The following PIK3R5 variants were observed in gnomAD, a reference collection of about 807,000 sequenced individuals.
The protein encoded by PIK3R5 is phosphoinositide-3-kinase regulatory subunit 5.
PIK3R5 carries 32 observed loss-of-function variants against 94.9 expected under a neutral mutation model. The observed-to-expected ratio is 0.34, with a 90% CI of 0.25 to 0.45. The LOEUF (loss-of-function observed/expected upper bound fraction) is 0.45, where lower values mean the gene tolerates loss of function less well. Ranked by LOEUF, PIK3R5 falls within the 20% of genes least tolerant of loss-of-function variation. PIK3R5 has a pLI of 1.00. For synonymous variants in PIK3R5, 443 were observed against 479.4 expected, an observed-to-expected ratio of 0.92 and a Z score of 0.99; for missense variants, 853 against 1,144.6, an observed-to-expected ratio of 0.75 and a Z score of 3.68.
In PIK3R5 at chr17:8,881,557, G is replaced by A. The variant is rs981972571; in HGVS notation, c.2382+73C>T. On this transcript the variant is annotated intron_variant, in intron 17 of 18. Coordinates refer to ENST00000447110, the MANE Select transcript of PIK3R5 (RefSeq NM_001142633.3). This position sits in a 1 kb window ranked among gnomAD's most constrained non-coding sequence, Gnocchi z 4.8. The stretch of plus-strand genomic sequence containing the variant: ...CACACACATACATGTGCACACACAC[G>A]TACACACATACGCACATGCACGCTC... 7.3e-5 allele frequency: 84 copies of A among 1,157,468 alleles called. No homozygotes were observed. Among genetic ancestry groups the A allele is most frequent in the Non-Finnish European group, 9.2e-5 (72 of 783,636 alleles). 71.7% of individuals were successfully genotyped at this position (1,157,468 alleles called of 1,614,324 possible). A position where few individuals can be genotyped will look rare whatever the true frequency, so the allele number is the denominator to read the frequency against.
At chr17:8,941,192 G>A (rs1304560340) in intron 1 of PIK3R5, among the ~76,000 whole-genome samples, 1 of 152,176 alleles carries the variant, frequency 6.6e-6, no homozygotes, top group Non-Finnish European at 1.5e-5. Flanking sequence ...GGTGTAGCGG[G>A]ATAGATATGG....
At chr17:8,944,854 G>A (rs2091247117) in intron 1 of PIK3R5, among the ~76,000 whole-genome samples, 1 of 152,136 alleles carries the variant, frequency 6.6e-6, no homozygotes, top group Admixed American at 6.5e-5. Context: ...TATATCCAGG[G>A]ACCTACACCT....
In PIK3R5 at chr17:8,886,563, T is replaced by C. The variant is rs1461065471; in HGVS notation, c.1948A>G (p.Thr650Ala). 12 of 1,611,456 alleles carry C rather than the reference T, an allele frequency of 7.4e-6. No homozygotes were observed. In the South Asian group the frequency reaches 8.8e-5, roughly 12 times the overall value. ...AEAQALEGSP[T>A]QLPILADMLL... ...ATGTCAGCCAGGATGGGCAGCTGGGTTGGGGAGCCCTCCAGGGCCTGGGCT... is the reference window on the plus strand; with the variant it reads ...ATGTCAGCCAGGATGGGCAGCTGGGCTGGGGAGCCCTCCAGGGCCTGGGCT... Residue 650 changes from threonine (T) to alanine (A), a missense_variant, in exon 13 of 19, where the codon ACC becomes GCC. By Grantham distance (58) the Thr-to-Ala change is moderately conservative. This residue lies in a region of PIK3R5 where 173 missense variants were observed against 274.1 expected (regional missense o/e 0.63). Coordinates refer to ENST00000447110, the MANE Select transcript of PIK3R5 (RefSeq NM_001142633.3).
intron 1 of PIK3R5, among the ~76,000 whole-genome samples, chr17:8,933,217 G>C (rs1441413538): frequency 6.6e-6 from 1 of 152,132 alleles, no homozygotes; most frequent in Non-Finnish European, 1.5e-5. Context: ...ATATTGTTAG[G>C]TCTGTGGATG....
chr17:8,902,938 T>C lies in PIK3R5; in HGVS notation c.412+1839A>G, dbSNP rs112048292. Among the ~76,000 whole-genome samples, 419 of 151,166 alleles carry C rather than the reference T, an allele frequency of 2.8e-3. 4 individuals are homozygous for C. Among genetic ancestry groups the C allele is most frequent in the African/African-American group, 9.7e-3 (399 of 41,042 alleles). On this transcript the variant is annotated intron_variant, in intron 5 of 18. Coordinates refer to ENST00000447110, the MANE Select transcript of PIK3R5 (RefSeq NM_001142633.3). ...CGGAGGCACTTGAACCTCCACCTCC[T>C]GGGTTCAAGTGATTCTCCTGCCTCA...
chr17:8,943,041 C>T (rs972837602), intron 1 of PIK3R5, among the ~76,000 whole-genome samples: 1 of 151,642 alleles, frequency 6.6e-6, no homozygotes, highest in Non-Finnish European at 1.5e-5. Flanking sequence ...CATAGCACAT[C>T]ACTCCTAAAC....
intron 3 of PIK3R5, among the ~76,000 whole-genome samples, chr17:8,908,502 C>T (rs2090442412): frequency 2.7e-5 from 4 of 148,368 alleles, no homozygotes; most frequent in Non-Finnish European, 5.9e-5. Context: ...GACATGTTTT[C>T]CAAATCACAT....
At chr17:8,964,071 G>A (rs1037376198) in intron 1 of PIK3R5, among the ~76,000 whole-genome samples, 2 of 152,118 alleles carry the variant, frequency 1.3e-5, no homozygotes, top group African/African-American at 2.4e-5. Context: ...ACGTGCAGCC[G>A]TTCTCATCAT....
intron 1 of PIK3R5, among the ~76,000 whole-genome samples, chr17:8,928,782 A>G (rs2090935691): frequency 6.6e-6 from 1 of 152,224 alleles, no homozygotes. Context: ...AGAAAAAAGG[A>G]TAATAAAAGA....
intron 5 of PIK3R5, among the ~76,000 whole-genome samples, chr17:8,902,932 A>G (rs1461312575): frequency 2.1e-5 from 3 of 141,894 alleles, no homozygotes; most frequent in Admixed American, 7.0e-5. Flanking sequence ...TTGAACCTCC[A>G]CCTCCTGGGT....
Position 8,955,160 on chromosome 17 carries a change from CCA to C in PIK3R5, c.-14+10434_-14+10435del, listed in dbSNP as rs1261976170. Among the ~76,000 whole-genome samples, 2 of 152,080 alleles carry C rather than the reference CCA, an allele frequency of 1.3e-5. No homozygotes were observed. Among genetic ancestry groups the C allele is most frequent in the Non-Finnish European group, 2.9e-5 (2 of 68,016 alleles). On this transcript the variant is annotated intron_variant, in intron 1 of 18. Transcript: ENST00000447110. This position sits in a 1 kb window ranked among gnomAD's most constrained non-coding sequence, Gnocchi z 4.4. ...TCCTTGAGGGGAGGATGACCGAACC[CCA>C]CAGAGGTCTCAGATGGGGAGCAGCC...
At position 8,935,829 on chromosome 17, in the gene PIK3R5, C is replaced by T. The variant is rs569024318; in HGVS notation, c.-13-24322G>A. ...CAGCACTTTGGGAGGCTGAGGCGGG[C>T]GGATCACGAGGTCAGGAGATCGAGA... On this transcript the variant is annotated intron_variant, in intron 1 of 18. Transcript: ENST00000447110. This position sits in a 1 kb window ranked among gnomAD's most constrained non-coding sequence, Gnocchi z 4.5. Among the ~76,000 whole-genome samples, 2 of 151,862 alleles carry T rather than the reference C, an allele frequency of 1.3e-5. No homozygotes were observed. The highest frequency in any genetic ancestry group is 6.6e-5 in the Admixed American group (1 of 15,252).
At position 8,892,127 on chromosome 17, in the gene PIK3R5, C is replaced by A. The variant is rs1260461303; in HGVS notation, c.483-1215G>T. Among the ~76,000 whole-genome samples the A allele has an allele frequency of 6.6e-6, 1 of 152,170 alleles. No individual in the cohort carries two copies. The highest frequency in any genetic ancestry group is 2.4e-5 in the African/African-American group (1 of 41,436). On this transcript the variant is annotated intron_variant, in intron 6 of 18. Coordinates refer to ENST00000447110, the MANE Select transcript of PIK3R5 (RefSeq NM_001142633.3). This position sits in a 1 kb window ranked among gnomAD's most constrained non-coding sequence, Gnocchi z 4.3. ...GAGAGCTCTTGCTCTCTCAATTCCA[C>A]ACTGCGTTTAAACCCAGTGCAAAGG...
At chr17:8,926,609 C>G (rs1187843827) in intron 1 of PIK3R5, among the ~76,000 whole-genome samples, 1 of 152,110 alleles carries the variant, frequency 6.6e-6, no homozygotes, top group Admixed American at 6.5e-5. Flanking sequence ...ATAGAACCAT[C>G]AAATCACGTG....
At chr17:8,919,888 C>CTTTTT (rs11290606) in intron 1 of PIK3R5, among the ~76,000 whole-genome samples, 10 of 107,616 alleles carry the variant, frequency 9.3e-5, no homozygotes, top group Admixed American at 3.2e-4. Flanking sequence ...CTTTTTCCTT[C>CTTTTT]TTTTTTTTTT....
At chr17:8,933,490 T>C (rs944603363) in intron 1 of PIK3R5, among the ~76,000 whole-genome samples, 1 of 152,092 alleles carries the variant, frequency 6.6e-6, no homozygotes, top group Non-Finnish European at 1.5e-5. Flanking sequence ...AGAAATAATA[T>C]CAATCTTACT....
chr17:8,934,028 T>C (rs1229545171), intron 1 of PIK3R5, among the ~76,000 whole-genome samples: 1 of 152,212 alleles, frequency 6.6e-6, no homozygotes, highest in East Asian at 1.9e-4. Context: ...TCACCTACTA[T>C]TGGGAGCAAA....
At chr17:8,932,435 A>G (rs987162851) in intron 1 of PIK3R5, among the ~76,000 whole-genome samples, 3 of 152,140 alleles carry the variant, frequency 2.0e-5, no homozygotes, top group African/African-American at 7.2e-5. Context: ...GGGTTTCACC[A>G]TGTGGGTTAG....
rs375383737 is a variant in PIK3R5 at position 8,932,525 on chromosome 17, G to A, written c.-13-21018C>T. 2.0e-3 allele frequency among the ~76,000 whole-genome samples: 302 copies of A among 152,162 alleles called. 1 individual carries two copies. Among genetic ancestry groups the A allele is most frequent in the African/African-American group, 6.4e-3 (266 of 41,530 alleles). On this transcript the variant is annotated intron_variant, in intron 1 of 18. Coordinates refer to ENST00000447110, the MANE Select transcript of PIK3R5 (RefSeq NM_001142633.3). ...GCTGGGATTACAGGTGTGAGCCACCGCACCCGGCCTGGAAGCTATTTTTAA... is the reference window on the plus strand; with the variant it reads ...GCTGGGATTACAGGTGTGAGCCACCACACCCGGCCTGGAAGCTATTTTTAA...
Sources: allele counts gnomAD v4.1 joint callset (sites outside exome capture counted in the v4.1 genomes callset), GRCh38; gene constraint gnomAD v4.1.1; regional missense constraint gnomAD v4.1.1; non-coding constraint Gnocchi (gnomAD v3.1); transcripts MANE v1.5; gene names NCBI Gene and HGNC (gene_info 2026-07-23, HGNC 2026-07-21).